Variants in FKBP8 observed in about 807,000 individuals in gnomAD.
The protein encoded by FKBP8 is peptidyl-prolyl cis-trans isomerase FKBP8.
Under a neutral mutation model 41.7 loss-of-function variants are expected in FKBP8, and 5 were observed. That is an observed-to-expected ratio of 0.12 (90% confidence interval 0.06 to 0.25). The LOEUF (loss-of-function observed/expected upper bound fraction) is 0.25, where lower values mean the gene tolerates loss of function less well. Among genes scored for constraint, FKBP8 ranks in the 10% least tolerant of loss-of-function variants. FKBP8 has a pLI of 1.00. For synonymous variants in FKBP8, 279 were observed against 254.5 expected, an observed-to-expected ratio of 1.10 and a Z score of -0.92; for missense variants, 397 against 563.0, an observed-to-expected ratio of 0.71 and a Z score of 2.98.
chr19:18,541,411 C>T (rs946181870), intron 2 of FKBP8, among the ~76,000 whole-genome samples: 1 of 152,200 alleles, frequency 6.6e-6, no homozygotes. Flanking sequence ...CAGCGCCTGG[C>T]GTGCTGGCTG....
In FKBP8 at chr19:18,541,660, A is replaced by T; in HGVS notation, c.292+19T>A. Reference sequence around the variant, plus strand: ...GAGGGCCAGGGCCAAGGGCACCCTGATCCACCTTTGCTCCTTACCCAGAAT... The same window carrying T: ...GAGGGCCAGGGCCAAGGGCACCCTGTTCCACCTTTGCTCCTTACCCAGAAT... On this transcript the variant is annotated intron_variant, in intron 2 of 8. Coordinates refer to ENST00000608443, the MANE Select transcript of FKBP8 (RefSeq NM_012181.5). 1 of 1,583,030 alleles carries T rather than the reference A, an allele frequency of 6.3e-7. No individual in the cohort carries two copies. The highest frequency in any genetic ancestry group is 8.6e-7 in the Non-Finnish European group (1 of 1,160,978).
rs1976636274 is a variant in FKBP8 at position 18,538,730 on chromosome 19, CT to C, written c.552-295del. Among the ~76,000 whole-genome samples, 1 of 151,824 alleles carries C rather than the reference CT, an allele frequency of 6.6e-6. No individual in the cohort carries two copies. Among genetic ancestry groups the C allele is most frequent in the African/African-American group, 2.4e-5 (1 of 41,288 alleles). ...TGGTGCAATCTTGGCTCACTGCAGC[CT>C]CAAAAACGTGGGCTCAAGTGATCCT... On this transcript the variant is annotated intron_variant, in intron 4 of 8. Coordinates refer to ENST00000608443, the MANE Select transcript of FKBP8 (RefSeq NM_012181.5). The surrounding 1 kb of genome is among the most constrained non-coding windows in gnomAD (Gnocchi z 4.0).
At chr19:18,539,845 G>A in intron 2 of FKBP8, 125 bp from the exon 3 acceptor site, 1 of 1,182,424 alleles carries the variant, frequency 8.5e-7, no homozygotes, top group South Asian at 1.4e-5. Context: ...GCCCAACACT[G>A]GGGCACAAAC....
In FKBP8 at chr19:18,537,972, A is replaced by G. The variant is rs1225612905; in HGVS notation, c.773-199T>C. ...CAAGCGAGGGCCTAGCCTGTGGTAC[A>G]TGTGAACTGGCCCTGTCTATGGTCA... On this transcript the variant is annotated intron_variant, in intron 5 of 8. Transcript: ENST00000608443. This position sits in a 1 kb window ranked among gnomAD's most constrained non-coding sequence, Gnocchi z 4.4. 3 of 674,006 alleles carry G rather than the reference A, an allele frequency of 4.5e-6. No individual in the cohort carries two copies. The highest frequency in any genetic ancestry group is 7.4e-6 in the Non-Finnish European group (3 of 404,722). 41.8% of individuals were successfully genotyped at this position (674,006 alleles called of 1,614,324 possible).
Position 18,533,264 on chromosome 19 carries a change from G to A in FKBP8, c.1023+6C>T. 3 of 1,586,506 alleles carry A rather than the reference G, an allele frequency of 1.9e-6. No individual in the cohort carries two copies. Among genetic ancestry groups the A allele is most frequent in the Non-Finnish European group, 2.6e-6 (3 of 1,165,640 alleles). Reference sequence around the variant, plus strand: ...GCAAGTCCCAGGGCACCCCTGTCCTGCTCACCTTGTTGGAAGGTTCCAGCT... The same window carrying A: ...GCAAGTCCCAGGGCACCCCTGTCCTACTCACCTTGTTGGAAGGTTCCAGCT... On this transcript the variant is annotated splice_donor_region_variant and intron_variant, in intron 7 of 8. Coordinates refer to ENST00000608443, the MANE Select transcript of FKBP8 (RefSeq NM_012181.5).
intron 6 of FKBP8, among the ~76,000 whole-genome samples, chr19:18,535,449 C>T (rs1398265750): frequency 1.3e-5 from 2 of 152,024 alleles, no homozygotes; most frequent in African/African-American, 4.8e-5. Context: ...CTGCACTATG[C>T]TGGTGCTGAT....
chr19:18,541,283 G>A (rs1976694030), intron 2 of FKBP8, among the ~76,000 whole-genome samples: 1 of 152,112 alleles, frequency 6.6e-6, no homozygotes. Flanking sequence ...TTTTGTTTTG[G>A]AAGTTGGGGT....
Position 18,537,890 on chromosome 19 carries a change from C to T in FKBP8, c.773-117G>A. 9.0e-7 allele frequency: 1 copy of T among 1,117,272 alleles called. No homozygotes were observed. The highest frequency in any genetic ancestry group is 1.6e-5 in the African/African-American group (1 of 63,978). 69.2% of individuals were successfully genotyped at this position (1,117,272 alleles called of 1,614,324 possible). ...CAGTTTCCCCAATTTTAACCCCGGACCAAGGGCCACGCTTTCCTGGGGCTC... is the reference window on the plus strand; with the variant it reads ...CAGTTTCCCCAATTTTAACCCCGGATCAAGGGCCACGCTTTCCTGGGGCTC... On this transcript the variant is annotated intron_variant, in intron 5 of 8. Coordinates refer to ENST00000608443, the MANE Select transcript of FKBP8 (RefSeq NM_012181.5). The surrounding 1 kb of genome is among the most constrained non-coding windows in gnomAD (Gnocchi z 4.4).
At chr19:18,541,544 C>T (rs1397789484) in intron 2 of FKBP8, 135 bp downstream of exon 2, 3 of 1,248,502 alleles carry the variant, frequency 2.4e-6, no homozygotes, top group Admixed American at 2.7e-5. Context: ...TGAAGCATCT[C>T]CAGTAGTTGC....
At chr19:18,533,795 A>G (rs575223151) in intron 6 of FKBP8, among the ~76,000 whole-genome samples, 16 of 152,070 alleles carry the variant, frequency 1.1e-4, no homozygotes, top group Admixed American at 3.3e-4. Flanking sequence ...TCACAAGGTC[A>G]GGAGATCAAG....
rs527721754 is a variant in FKBP8, at chr19:18,532,733, G to A, written c.1086C>T (p.Thr362=). 33 of 1,614,144 alleles carry A rather than the reference G, an allele frequency of 2.0e-5. No homozygotes were observed. Among genetic ancestry groups the A allele is most frequent in the Middle Eastern group, 1.7e-4 (1 of 6,058 alleles). The change falls in exon 8 of 9, where the codon ACC becomes ACT. Residue 362 remains threonine, a synonymous_variant. Transcript: ENST00000608443. ...TGCCCAGCATTTTCCGGTACAAGGC[G>A]GTCTCCGTGCTCCGCTGCGCCGCAT... ...KKHAAQRSTE[T]ALYRKMLGNP...
chr19:18,532,894 G>A (rs2145182863), intron 7 of FKBP8, 99 bp from the exon 8 acceptor site: 3 of 1,536,832 alleles, frequency 2.0e-6, no homozygotes, highest in South Asian at 1.2e-5. Context: ...TGGTGGGACT[G>A]TTGGGACACA....
rs1490913340 is a variant in FKBP8, at chr19:18,533,279, A to C, written c.1014T>G (p.Pro338=). ...CCCCTGTCCTGCTCACCTTGTTGGA[A>C]GGTTCCAGCTTCAGGGCTGCCCTCA... The part of the protein sequence containing the change: ...PILRAALKLE[P]SNKTIHAELS... The change falls in exon 7 of 9, where the codon CCT becomes CCG. Residue 338 remains proline, a synonymous_variant. Coordinates refer to ENST00000608443, the MANE Select transcript of FKBP8 (RefSeq NM_012181.5). 6.3e-7 allele frequency: 1 copy of C among 1,597,794 alleles called. No individual in the cohort carries two copies. The highest frequency in any genetic ancestry group is 2.2e-5 in the East Asian group (1 of 44,508).
rs376820813 is a variant in FKBP8 at position 18,541,761 on chromosome 19, C to T, written c.210G>A (p.Gly70=). 6.8e-6 allele frequency: 11 copies of T among 1,613,880 alleles called. No homozygotes were observed. The Admixed American group carries it at 1.0e-4, about 15-fold the overall frequency. ...QPPAEEAEQP[G]ALAREFLAAM... is the part of the protein sequence containing the mutation. ...CAGCAAGGAACTCTCGGGCCAGGGC[C>T]CCAGGCTGCTCAGCCTCCTCCGCCG... Residue 70 remains glycine (G), a synonymous_variant, in exon 2 of 9, where the codon GGG becomes GGA. Coordinates refer to ENST00000608443, the MANE Select transcript of FKBP8 (RefSeq NM_012181.5).
chr19:18,536,501 G>A lies in FKBP8; in HGVS notation c.945+1100C>T, dbSNP rs892960544. 2.0e-5 allele frequency among the ~76,000 whole-genome samples: 3 copies of A among 152,240 alleles called. No homozygotes were observed. In the East Asian group the frequency reaches 5.8e-4, roughly 29 times the overall value. ...TGAGCAACTGGGACGACAGGCCCGCGCCCCCACACCCAGCTAATTTTTGTA... is the reference window on the plus strand; with the variant it reads ...TGAGCAACTGGGACGACAGGCCCGCACCCCCACACCCAGCTAATTTTTGTA... On this transcript the variant is annotated intron_variant, in intron 6 of 8. Transcript: ENST00000608443.
intron 1 of FKBP8, chr19:18,542,888 C>G (rs1239948991): frequency 2.3e-6 from 3 of 1,284,088 alleles, no homozygotes; most frequent in Non-Finnish European, 3.0e-6. Context: ...TAACCCTCAC[C>G]TGCCTGCTCC....
At position 18,537,883 on chromosome 19, in the gene FKBP8, C is replaced by T. The variant is rs1021863696; in HGVS notation, c.773-110G>A. 3.2e-6 allele frequency: 4 copies of T among 1,247,036 alleles called. No homozygotes were observed. In the Admixed American group the frequency reaches 9.4e-5, roughly 29 times the overall value. The allele number at this position is 1,247,036 out of a possible 1,614,324, so 77.2% of individuals were successfully genotyped here. ...CTGGCCTCAGTTTCCCCAATTTTAA[C>T]CCCGGACCAAGGGCCACGCTTTCCT... On this transcript the variant is annotated intron_variant, in intron 5 of 8. Transcript: ENST00000608443. This position sits in a 1 kb window ranked among gnomAD's most constrained non-coding sequence, Gnocchi z 4.4.
intron 6 of FKBP8, chr19:18,536,227 A>G (rs2145187683): frequency 6.6e-6 from 1 of 152,246 alleles, no homozygotes; most frequent in Non-Finnish European, 1.5e-5. Context: ...TTCCTTCGTT[A>G]ACTGCTAAAA....
rs370275226 is a variant in FKBP8, at chr19:18,538,247, G to T, written c.741C>A (p.Leu247=). The change falls in exon 5 of 9, where the codon CTC becomes CTA. Residue 247 remains leucine (L), a synonymous_variant. Transcript: ENST00000608443. This position sits in a 1 kb window ranked among gnomAD's most constrained non-coding sequence, Gnocchi z 4.0. ...CGCTGGAGGTGATAGCCTTGATGGCGAGGTCGTAGGAGTTGGCGGCCAGGA... is the reference window on the plus strand; with the variant it reads ...CGCTGGAGGTGATAGCCTTGATGGCTAGGTCGTAGGAGTTGGCGGCCAGGA... ...DFVLAANSYD[L]AIKAITSSAK... The T allele has an allele frequency of 9.3e-6, 15 of 1,611,400 alleles. No individual in the cohort carries two copies. The highest frequency in any genetic ancestry group is 1.7e-5 in the Admixed American group (1 of 59,912).
Sources: allele counts gnomAD v4.1 joint callset (sites outside exome capture counted in the v4.1 genomes callset), GRCh38; gene constraint gnomAD v4.1.1; non-coding constraint Gnocchi (gnomAD v3.1); transcripts MANE v1.5; gene names NCBI Gene and HGNC (gene_info 2026-07-23, HGNC 2026-07-21).